Variants in LIPC observed in about 807,000 individuals in gnomAD.
The protein encoded by LIPC is hepatic triacylglycerol lipase.
In LIPC, 44 loss-of-function variants were observed where a neutral mutation model predicts 50.7. That is an observed-to-expected ratio of 0.87 (90% CI 0.68 to 1.11). The LOEUF is 1.11. Among genes scored for constraint, LIPC ranks in the 50% most tolerant of loss-of-function variants. The probability of loss-of-function intolerance (pLI) is 0.00; values close to 1 mark genes in which losing one functional copy is unlikely to be tolerated. For missense variants in LIPC, 697 were observed against 648.2 expected (o/e 1.08, Z -0.82); for synonymous variants, 271 against 256.4 (o/e 1.06, Z -0.54).
chr15:58,563,250 T>G (rs547569430), intron 7 of LIPC, among the ~76,000 whole-genome samples: 3 of 152,236 alleles, frequency 2.0e-5, no homozygotes, highest in East Asian at 3.9e-4. Flanking sequence ...TTTGTTATAG[T>G]GGGACTTCTC....
intron 1 of LIPC, among the ~76,000 whole-genome samples, chr15:58,520,281 C>T (rs1474599638): frequency 2.0e-5 from 3 of 152,086 alleles, no homozygotes; most frequent in Non-Finnish European, 2.9e-5. Context: ...GGCGGGCAGT[C>T]AGGAACCCAC....
chr15:58,488,167 A>G (rs543528495), intron 1 of LIPC, among the ~76,000 whole-genome samples: 2 of 152,340 alleles, frequency 1.3e-5, no homozygotes, highest in South Asian at 4.1e-4. Context: ...GCTACTCAGG[A>G]GGCTGAGGCA....
chr15:58,480,113 C>T (rs1250033645), intron 1 of LIPC, among the ~76,000 whole-genome samples: 5 of 152,176 alleles, frequency 3.3e-5, no homozygotes, highest in African/African-American at 1.2e-4. Flanking sequence ...CTGTTCCCCA[C>T]CAGTAACATT....
intron 1 of LIPC, chr15:58,436,605 G>T (rs141468952): frequency 1.0e-5 from 4 of 385,456 alleles, no homozygotes; most frequent in African/African-American, 4.2e-5. Context: ...AGAGCAGAGG[G>T]TCATTAAAAT....
At chr15:58,545,001 C>T (rs1036955357) in intron 4 of LIPC, among the ~76,000 whole-genome samples, 9 of 152,266 alleles carry the variant, frequency 5.9e-5, no homozygotes, top group East Asian at 3.9e-4. Context: ...TGAAATGTCC[C>T]GCGGCTGTTC....
At chr15:58,500,058 C>T (rs1249972562) in intron 1 of LIPC, among the ~76,000 whole-genome samples, 2 of 152,106 alleles carry the variant, frequency 1.3e-5, no homozygotes, top group Non-Finnish European at 1.5e-5. Context: ...ACCTCAGAGA[C>T]AGGGCACGGG....
At chr15:58,565,705 C>T (rs1249466517) in intron 8 of LIPC, 2 of 998,012 alleles carry the variant, frequency 2.0e-6, no homozygotes, top group Admixed American at 1.2e-4. Flanking sequence ...GTTCCTTCTT[C>T]CATTAGTTTT....
At chr15:58,439,885 AAAC>A (rs1437989038) in intron 1 of LIPC, among the ~76,000 whole-genome samples, 4 of 152,122 alleles carry the variant, frequency 2.6e-5, no homozygotes, top group African/African-American at 9.7e-5. Flanking sequence ...ACTAGAGAAA[AAAC>A]AAAAGAACCA....
At chr15:58,535,051 ACTTT>A (rs1163346801) in intron 1 of LIPC, among the ~76,000 whole-genome samples, 3 of 152,130 alleles carry the variant, frequency 2.0e-5, no homozygotes, top group Non-Finnish European at 4.4e-5. Context: ...CCAGAGCCCC[ACTTT>A]CTTTAACAAT....
At chr15:58,502,512 T>G (rs1316166972) in intron 1 of LIPC, among the ~76,000 whole-genome samples, 3 of 149,708 alleles carry the variant, frequency 2.0e-5, no homozygotes, top group African/African-American at 5.0e-5. Context: ...ATTTTCTCTT[T>G]TTTTTTTTTT....
intron 1 of LIPC, among the ~76,000 whole-genome samples, chr15:58,495,847 T>C (rs1479823973): frequency 6.6e-6 from 1 of 152,228 alleles, no homozygotes; most frequent in African/African-American, 2.4e-5. Context: ...TCTGTAATTC[T>C]AGGCATGTTA....
At chr15:58,501,210 T>C (rs941519992) in intron 1 of LIPC, among the ~76,000 whole-genome samples, 11 of 152,128 alleles carry the variant, frequency 7.2e-5, no homozygotes, top group African/African-American at 2.7e-4. Context: ...TCCCAGAACA[T>C]TGCAGTGATT....
chr15:58,564,676 G>A (rs2414602), intron 8 of LIPC, among the ~76,000 whole-genome samples: 148,410 of 152,210 alleles, frequency 0.98, 72,469 homozygotes, highest in East Asian at 1. Flanking sequence ...GCAGTTAGCC[G>A]AGATCGCGGC....
chr15:58,502,852 G>A (rs1892032128), intron 1 of LIPC, among the ~76,000 whole-genome samples: 1 of 151,772 alleles, frequency 6.6e-6, no homozygotes, highest in Non-Finnish European at 1.5e-5. Context: ...CTTTAGGGAG[G>A]CACAAGGATG....
intron 6 of LIPC, among the ~76,000 whole-genome samples, chr15:58,549,354 G>A (rs1006214662): frequency 6.6e-6 from 1 of 152,216 alleles, no homozygotes; most frequent in Non-Finnish European, 1.5e-5. Flanking sequence ...GAAATCTGAT[G>A]TGCTGTTTGA....
chr15:58,551,152 T>C (rs1212640497), intron 6 of LIPC, among the ~76,000 whole-genome samples: 2 of 152,076 alleles, frequency 1.3e-5, no homozygotes, highest in Non-Finnish European at 2.9e-5. Flanking sequence ...CCTCTCCTTT[T>C]CTGCTCCCCC....
rs142388191 is a variant in LIPC at position 58,548,518 on chromosome 15, C to T, written c.997C>T (p.Arg333Trp). 28 of 1,602,086 alleles carry T rather than the reference C, an allele frequency of 1.7e-5. No individual in the cohort carries two copies. Among genetic ancestry groups the T allele is most frequent in the Non-Finnish European group, 2.3e-5 (27 of 1,173,960 alleles). The change falls in exon 6 of 9, where the codon CGG (arginine) becomes TGG (tryptophan). Residue 333 changes from arginine (R) to tryptophan (W), a missense_variant. Coordinates refer to ENST00000299022, the MANE Select transcript of LIPC (RefSeq NM_000236.3). ...TLGYHVRQEP[R>W]SKSKRLFLVT... ...GGGCTACCACGTCCGCCAGGAGCCG[C>T]GGAGCAAGAGCAAGAGGCTCTTCCT...
At chr15:58,456,707 GTC>G (rs1894130080) in intron 1 of LIPC, among the ~76,000 whole-genome samples, 1 of 152,092 alleles carries the variant, frequency 6.6e-6, no homozygotes, top group Non-Finnish European at 1.5e-5. Context: ...TAGATGTCTG[GTC>G]TCTCTTTGCA....
rs118069690 is a variant in LIPC at position 58,487,340 on chromosome 15, C to T, written c.89-50993C>T. Among the ~76,000 whole-genome samples the T allele has an allele frequency of 6.4e-3, 981 of 152,254 alleles. 9 individuals are homozygous for T. The highest frequency in any genetic ancestry group is 9.7e-3 in the Non-Finnish European group (663 of 68,022). On this transcript the variant is annotated intron_variant, in intron 1 of 8. Transcript: ENST00000299022. ...TCATGGGCTCACAGTGAGGATTAAA[C>T]GAAGGGAAGGTATGCACAACAGTTA...
Sources: allele counts gnomAD v4.1 joint callset (sites outside exome capture counted in the v4.1 genomes callset), GRCh38; gene constraint gnomAD v4.1.1; transcripts MANE v1.5; gene names NCBI Gene and HGNC (gene_info 2026-07-23, HGNC 2026-07-21).